The following CACNA1E variants were observed in gnomAD, a reference collection of about 807,000 sequenced individuals.
CACNA1E encodes the protein calcium voltage-gated channel subunit alpha1 E.
CACNA1E carries 40 observed loss-of-function variants against 259.2 expected under a neutral mutation model. The ratio of observed to expected loss-of-function variants is 0.15; its 90% CI spans 0.12 to 0.20. The LOEUF is 0.20. Ranked by LOEUF, CACNA1E falls within the 10% of genes least tolerant of loss-of-function variation. The pLI is 1.00. For synonymous variants in CACNA1E, 1,104 were observed against 1,138.5 expected, an observed-to-expected ratio of 0.97 and a Z score of 0.61; for missense variants, 1,874 against 3,040.1, an observed-to-expected ratio of 0.62 and a Z score of 9.02.
At chr1:181,684,220 C>T (rs1370082555) in intron 7 of CACNA1E, among the ~76,000 whole-genome samples, 1 of 152,078 alleles carries the variant, frequency 6.6e-6, no homozygotes, top group Admixed American at 6.5e-5. Flanking sequence ...ATTTGCGTTT[C>T]TCTAATGATT....
At chr1:181,421,027 A>G (rs978494393) in intron 2 of CACNA1E, among the ~76,000 whole-genome samples, 4 of 152,160 alleles carry the variant, frequency 2.6e-5, no homozygotes, top group Non-Finnish European at 5.9e-5. Context: ...CAGCAACAAC[A>G]TGATTTTTCA....
intron 6 of CACNA1E, among the ~76,000 whole-genome samples, chr1:181,604,840 G>A (rs555310245): frequency 4.6e-5 from 7 of 152,226 alleles, no homozygotes; most frequent in African/African-American, 1.2e-4. Flanking sequence ...TTAACCTAGC[G>A]GGGAGTTTCT....
chr1:181,556,492 G>A (rs1291926128), intron 3 of CACNA1E, among the ~76,000 whole-genome samples: 1 of 152,194 alleles, frequency 6.6e-6, no homozygotes, highest in Non-Finnish European at 1.5e-5. Context: ...CCCTGTGGGA[G>A]GGGGAGGCAG....
chr1:181,628,686 G>T (rs1656424045), intron 6 of CACNA1E, among the ~76,000 whole-genome samples: 1 of 152,170 alleles, frequency 6.6e-6, no homozygotes, highest in Admixed American at 6.5e-5. Context: ...AGACAGCCCT[G>T]CAACCCCGAA....
At position 181,755,171 on chromosome 1, in the gene CACNA1E, C is replaced by A. The variant is rs369107244; in HGVS notation, c.3829-66C>A. Reference sequence around the variant, plus strand: ...TGGGTAGTGGTGGTATGGCCCAGCTCGGCTCTAGGCAAGTATGCAGACCAT... The same window carrying A: ...TGGGTAGTGGTGGTATGGCCCAGCTAGGCTCTAGGCAAGTATGCAGACCAT... On this transcript the variant is annotated intron_variant, in intron 27 of 47. Transcript: ENST00000367573. 1.1e-3 allele frequency: 1,518 copies of A among 1,383,792 alleles called. 35 individuals carry two copies. In the South Asian group the frequency reaches 0.02, roughly 18 times the overall value. The allele number at this position is 1,383,792 out of a possible 1,614,324, so 85.7% of individuals were successfully genotyped here. A position where few individuals can be genotyped will look rare whatever the true frequency, so the allele number is the denominator to read the frequency against.
At chr1:181,530,394 C>G (rs1667692753) in intron 3 of CACNA1E, among the ~76,000 whole-genome samples, 1 of 152,092 alleles carries the variant, frequency 6.6e-6, no homozygotes, top group African/African-American at 2.4e-5. Context: ...ACATACAGCA[C>G]TAAATTTGAT....
chr1:181,756,019 T>C lies in CACNA1E; in HGVS notation c.4053T>C (p.His1351=), dbSNP rs747096012. ...MEVKGREWKR[H]EFHYDNIIWA... is the part of the protein sequence containing the mutation. ...TGAAGGGCCGGGAATGGAAGCGCCATGAATTCCACTACGACAACATTATCT... is the reference window on the plus strand; with the variant it reads ...TGAAGGGCCGGGAATGGAAGCGCCACGAATTCCACTACGACAACATTATCT... The change falls in exon 29 of 48, where the codon CAT becomes CAC. Residue 1351 remains histidine (H), a synonymous_variant. Coordinates refer to ENST00000367573, the MANE Select transcript of CACNA1E (RefSeq NM_001205293.3). 11 of 1,613,776 alleles carry C rather than the reference T, an allele frequency of 6.8e-6. No homozygotes were observed. The highest frequency in any genetic ancestry group is 6.6e-5 in the South Asian group (6 of 91,066).
At chr1:181,708,910 C>A (rs149360984) in intron 7 of CACNA1E, among the ~76,000 whole-genome samples, 5 of 152,262 alleles carry the variant, frequency 3.3e-5, no homozygotes, top group African/African-American at 1.2e-4. Context: ...CAGTGAATGA[C>A]CTTTTAAAAA....
intron 3 of CACNA1E, among the ~76,000 whole-genome samples, chr1:181,552,867 C>T (rs1019001568): frequency 9.2e-5 from 14 of 151,800 alleles, no homozygotes; most frequent in Admixed American, 4.6e-4. Context: ...ATATCTGTTT[C>T]GATACCCAGT....
intron 3 of CACNA1E, among the ~76,000 whole-genome samples, chr1:181,524,987 C>G (rs1038220841): frequency 6.6e-6 from 1 of 152,186 alleles, no homozygotes; most frequent in African/African-American, 2.4e-5. Flanking sequence ...TCCATTGAGT[C>G]AAGAAATATT....
chr1:181,672,183 A>G (rs1648875373), intron 7 of CACNA1E, among the ~76,000 whole-genome samples: 1 of 152,232 alleles, frequency 6.6e-6, no homozygotes, highest in Non-Finnish European at 1.5e-5. Flanking sequence ...GAGCTAAATG[A>G]TGAGAATTCA....
At chr1:181,567,367 C>G (rs1316875882) in intron 3 of CACNA1E, among the ~76,000 whole-genome samples, 1 of 152,084 alleles carries the variant, frequency 6.6e-6, no homozygotes, top group East Asian at 1.9e-4. Flanking sequence ...TGTCTGTGGT[C>G]TTAGAAGAAA....
chr1:181,414,220 A>T (rs1658094892), intron 2 of CACNA1E, among the ~76,000 whole-genome samples: 1 of 152,226 alleles, frequency 6.6e-6, no homozygotes, highest in South Asian at 2.1e-4. Flanking sequence ...TTTTTGCTCC[A>T]TAGAAGGACT....
chr1:181,780,194 A>C (rs1012393610), intron 38 of CACNA1E, among the ~76,000 whole-genome samples: 1 of 152,186 alleles, frequency 6.6e-6, no homozygotes, highest in Non-Finnish European at 1.5e-5. Context: ...GTCTGGGAAG[A>C]TCACAGTGAA....
At chr1:181,469,128 A>G (rs533668876) in intron 2 of CACNA1E, among the ~76,000 whole-genome samples, 1 of 152,214 alleles carries the variant, frequency 6.6e-6, no homozygotes, top group East Asian at 1.9e-4. Flanking sequence ...ATTTTATTGC[A>G]CTGAAAGGTG....
intron 2 of CACNA1E, among the ~76,000 whole-genome samples, chr1:181,442,517 T>C (rs567613847): frequency 1.3e-5 from 2 of 152,214 alleles, no homozygotes; most frequent in South Asian, 4.1e-4. Context: ...TGCTCCTCAT[T>C]TTGTTCTTGC....
intron 25 of CACNA1E, among the ~76,000 whole-genome samples, chr1:181,741,479 A>G (rs916403848): frequency 2.0e-5 from 3 of 152,204 alleles, no homozygotes; most frequent in African/African-American, 7.2e-5. Context: ...CAAATATAGG[A>G]GGAAGTACAT....
chr1:181,489,835 A>G (rs1228315240), intron 1 of CACNA1E, among the ~76,000 whole-genome samples: 1 of 152,192 alleles, frequency 6.6e-6, no homozygotes, highest in Non-Finnish European at 1.5e-5. Flanking sequence ...CTCCGCCACC[A>G]CTACCACCAC....
intron 36 of CACNA1E, chr1:181,771,741 T>C (rs1035979766): frequency 4.3e-6 from 2 of 468,390 alleles, no homozygotes; most frequent in East Asian, 6.9e-5. Flanking sequence ...GGGGGGAATG[T>C]CAGGACAGTG....
Sources: allele counts gnomAD v4.1 joint callset (sites outside exome capture counted in the v4.1 genomes callset), GRCh38; gene constraint gnomAD v4.1.1; transcripts MANE v1.5; gene names NCBI Gene and HGNC (gene_info 2026-07-23, HGNC 2026-07-21).